The following GNPAT variants were observed in gnomAD, a reference collection of about 807,000 sequenced individuals.
The protein encoded by GNPAT is glyceronephosphate O-acyltransferase.
A neutral mutation model predicts 78.4 loss-of-function variants in GNPAT; 30 were observed. That is an observed-to-expected ratio of 0.38 (90% CI 0.29 to 0.52). GNPAT has a LOEUF of 0.52. GNPAT is among the 20% of genes least tolerant of loss of function. The pLI is 0.84. For synonymous variants in GNPAT, 271 were observed against 281.1 expected (o/e 0.96, Z 0.36); for missense variants, 714 against 812.2 (o/e 0.88, Z 1.47).
intron 14 of GNPAT, among the ~76,000 whole-genome samples, chr1:231,275,849 G>A (rs1685698083): frequency 6.6e-6 from 1 of 152,126 alleles, no homozygotes; most frequent in Non-Finnish European, 1.5e-5. Context: ...ATACATACCT[G>A]TATATGTATA....
Position 231,250,962 on chromosome 1 carries a change from A to C in GNPAT, c.80A>C (p.Lys27Thr). 1 of 1,601,098 alleles carries C rather than the reference A, an allele frequency of 6.2e-7. No homozygotes were observed. The highest frequency in any genetic ancestry group is 8.6e-7 in the Non-Finnish European group (1 of 1,168,846). Reference protein sequence around the residue: ...SPSAVVLLYSKELKKWDEFED... With the variant: ...SPSAVVLLYSTELKKWDEFED... ...ATTACTTTCTTGCCTTATCCACAGAAGGAGCTCAAAAAGTGGGATGAGTTT... is the reference window on the plus strand; with the variant it reads ...ATTACTTTCTTGCCTTATCCACAGACGGAGCTCAAAAAGTGGGATGAGTTT... The change falls in exon 2 of 16, where the codon AAG becomes ACG. Residue 27 changes from lysine to threonine, a missense_variant and splice_region_variant. Physicochemically the swap from Lys to Thr is moderately conservative, Grantham distance 78 (BLOSUM62 -1). Coordinates refer to ENST00000366647, the MANE Select transcript of GNPAT (RefSeq NM_014236.4).
intron 9 of GNPAT, 73 bp downstream of exon 9, chr1:231,267,976 C>G: frequency 1.1e-6 from 1 of 931,102 alleles, no homozygotes; most frequent in South Asian, 1.3e-5. Context: ...CCTGAAAAAT[C>G]TATAGAGGAC....
At chr1:231,247,671 TCAC>T (rs1182087351) in intron 1 of GNPAT, among the ~76,000 whole-genome samples, 1 of 152,214 alleles carries the variant, frequency 6.6e-6, no homozygotes, top group Non-Finnish European at 1.5e-5. Flanking sequence ...TCTCTCTTGA[TCAC>T]CACTATATCC....
intron 9 of GNPAT, 81 bp from the exon 10 acceptor site, chr1:231,270,677 C>T (rs1558337320): frequency 1.1e-5 from 15 of 1,336,204 alleles, no homozygotes; most frequent in Admixed American, 6.7e-5. Context: ...GTCACGTTAC[C>T]ATTAATAACG....
At chr1:231,266,541 A>G in intron 8 of GNPAT, 134 bp downstream of exon 8, 2 of 816,564 alleles carry the variant, frequency 2.4e-6, no homozygotes, top group Admixed American at 4.0e-5. Flanking sequence ...TGCTGTTATC[A>G]TTCCGTTTTC....
chr1:231,253,665 C>T (rs893099490), intron 2 of GNPAT, among the ~76,000 whole-genome samples: 4 of 152,164 alleles, frequency 2.6e-5, no homozygotes, highest in African/African-American at 9.7e-5. Flanking sequence ...GTTTCCTCAT[C>T]AATTAGATGC....
At chr1:231,255,899 T>A (rs1004425234) in intron 2 of GNPAT, among the ~76,000 whole-genome samples, 1 of 152,238 alleles carries the variant, frequency 6.6e-6, no homozygotes, top group Non-Finnish European at 1.5e-5. Context: ...GTAATAGTCG[T>A]TGGCTCTTGC....
chr1:231,273,855 C>A, intron 11 of GNPAT, 67 bp from the exon 12 acceptor site: 1 of 1,239,440 alleles, frequency 8.1e-7, no homozygotes, highest in Non-Finnish European at 1.2e-6. Flanking sequence ...TGAGGGGGTA[C>A]ATGTATTCAG....
chr1:231,273,946 CT>C lies in GNPAT; in HGVS notation c.1630del (p.Cys544ValfsTer8). Reference sequence around the variant, plus strand: ...GGACTTTGAAGAAGGCTGTTACCTGCTTTGTAAAAGTGAAGCCATACAAGTG... The same window carrying C: ...GGACTTTGAAGAAGGCTGTTACCTGCTTGTAAAAGTGAAGCCATACAAGTG... ...LKDFEEGCYL[L>X]CKSEAIQVTT... On this transcript the variant is annotated frameshift_variant, in exon 12 of 16. Transcript: ENST00000366647. LOFTEE classifies it high-confidence loss of function. 1 of 1,613,172 alleles carries C rather than the reference CT, an allele frequency of 6.2e-7. No individual in the cohort carries two copies. The highest frequency in any genetic ancestry group is 1.1e-5 in the South Asian group (1 of 91,062).
At chr1:231,263,438 T>C (rs1328533688) in intron 4 of GNPAT, among the ~76,000 whole-genome samples, 2 of 152,186 alleles carry the variant, frequency 1.3e-5, no homozygotes, top group Non-Finnish European at 2.9e-5. Flanking sequence ...ATGCTTGATA[T>C]AGGTGGAATC....
intron 2 of GNPAT, among the ~76,000 whole-genome samples, chr1:231,256,088 T>C (rs1044671569): frequency 1.3e-5 from 2 of 152,296 alleles, no homozygotes; most frequent in South Asian, 2.1e-4. Context: ...GTTTTATTAA[T>C]TGCCAGAATT....
Position 231,275,322 on chromosome 1 carries a change from T to G in GNPAT, c.1843+2T>G. 1 of 1,602,976 alleles carries G rather than the reference T, an allele frequency of 6.2e-7. No homozygotes were observed. The highest frequency in any genetic ancestry group is 1.7e-4 in the Middle Eastern group (1 of 6,044). Reference sequence around the variant, plus strand: ...TCACAAGTCAGCTTCTCGATCAAGGTCAGTCACTGCTCTGTGGGTGCTGAT... The same window carrying G: ...TCACAAGTCAGCTTCTCGATCAAGGGCAGTCACTGCTCTGTGGGTGCTGAT... On this transcript the variant is annotated splice_donor_variant, in intron 13 of 15. Transcript: ENST00000366647. LOFTEE classifies it high-confidence loss of function.
rs1319939856 is a variant in GNPAT at position 231,270,978 on chromosome 1, G to A, written c.1500G>A (p.Gln500=). 6.2e-7 allele frequency: 1 copy of A among 1,614,152 alleles called. No homozygotes were observed. The highest frequency in any genetic ancestry group is 8.5e-7 in the Non-Finnish European group (1 of 1,179,996). Residue 500 remains glutamine, a synonymous_variant, in exon 10 of 16, where the codon CAG becomes CAA. Transcript: ENST00000366647. ...CATCCTTAGTAGCAGTAGCATTGCAGATGACACCAGGGTTCAGGAAAGGTA... is the reference window on the plus strand; with the variant it reads ...CATCCTTAGTAGCAGTAGCATTGCAAATGACACCAGGGTTCAGGAAAGGTA... ...VRPSLVAVAL[Q]MTPGFRKEDV...
At chr1:231,267,604 C>A in intron 8 of GNPAT, 76 bp from the exon 9 acceptor site, 1 of 875,284 alleles carries the variant, frequency 1.1e-6, no homozygotes, top group Non-Finnish European at 1.9e-6. Flanking sequence ...CCTTCTAAAA[C>A]GTCTAGAGTC....
intron 2 of GNPAT, among the ~76,000 whole-genome samples, chr1:231,257,391 C>G (rs1056213483): frequency 2.0e-5 from 3 of 152,184 alleles, no homozygotes; most frequent in African/African-American, 7.2e-5. Flanking sequence ...CCAATTTTAG[C>G]AGATTGCTGA....
At chr1:231,244,239 C>T (rs920620773) in intron 1 of GNPAT, among the ~76,000 whole-genome samples, 1 of 152,098 alleles carries the variant, frequency 6.6e-6, no homozygotes, top group Non-Finnish European at 1.5e-5. Context: ...TATAGGTAAC[C>T]TGTTTTGCCT....
At chr1:231,270,020 T>C (rs1369149537) in intron 9 of GNPAT, 1 of 153,118 alleles carries the variant, frequency 6.5e-6, no homozygotes, top group Non-Finnish European at 1.5e-5. Context: ...GTCCCTGCCT[T>C]GAAGCAGTAG....
rs372291680 is a variant in GNPAT at position 231,266,169 on chromosome 1, C to T, written c.924+4C>T. 8 of 1,612,926 alleles carry T rather than the reference C, an allele frequency of 5.0e-6. No homozygotes were observed. Among genetic ancestry groups the T allele is most frequent in the Admixed American group, 3.3e-5 (2 of 60,026 alleles). The stretch of plus-strand genomic sequence containing the variant: ...TAAACCAAAAGAGTCTACAACTGTA[C>T]GTGAGCTTGATTTTAGCTTAATTGA... On this transcript the variant is annotated splice_donor_region_variant and intron_variant, in intron 7 of 15. Transcript: ENST00000366647.
At chr1:231,244,572 GA>G (rs1684699123) in intron 1 of GNPAT, among the ~76,000 whole-genome samples, 1 of 152,128 alleles carries the variant, frequency 6.6e-6, no homozygotes, top group African/African-American at 2.4e-5. Context: ...CAGGGTAATA[GA>G]ATTCAGTTTG....
Sources: allele counts gnomAD v4.1 joint callset (sites outside exome capture counted in the v4.1 genomes callset), GRCh38; gene constraint gnomAD v4.1.1; transcripts MANE v1.5; gene names NCBI Gene and HGNC (gene_info 2026-07-23, HGNC 2026-07-21).